NCAM2: variants seen among roughly 807,000 people sequenced by gnomAD.
The protein encoded by NCAM2 is N-CAM-2.
NCAM2 carries 30 observed loss-of-function variants against 98.1 expected under a neutral mutation model. The ratio of observed to expected loss-of-function variants is 0.31; its 90% CI spans 0.23 to 0.41. NCAM2 has a LOEUF of 0.41. NCAM2 is among the 10% of genes least tolerant of loss of function. The pLI is 1.00. For missense variants in NCAM2, 867 were observed against 1,005.8 expected, an observed-to-expected ratio of 0.86 and a Z score of 1.87; for synonymous variants, 368 against 342.4, an observed-to-expected ratio of 1.07 and a Z score of -0.83.
chr21:21,533,111 A>G (rs149983980), intron 16 of NCAM2, among the ~76,000 whole-genome samples: 2 of 144,508 alleles, frequency 1.4e-5, no homozygotes, highest in African/African-American at 5.1e-5. Context: ...TATAAGTCTC[A>G]GCATTTGTAG....
intron 11 of NCAM2, among the ~76,000 whole-genome samples, chr21:21,429,516 G>T (rs1031633682): frequency 6.6e-6 from 1 of 152,148 alleles, no homozygotes; most frequent in Non-Finnish European, 1.5e-5. Flanking sequence ...ACTCAGCACA[G>T]ATTGAAGAAT....
At chr21:21,020,076 G>A (rs1340773599) in intron 1 of NCAM2, among the ~76,000 whole-genome samples, 1 of 151,888 alleles carries the variant, frequency 6.6e-6, no homozygotes, top group East Asian at 1.9e-4. Flanking sequence ...TCGCACTGCT[G>A]CCTGGGCTGG....
chr21:21,214,739 A>ACACAC (rs2069810602), intron 1 of NCAM2, among the ~76,000 whole-genome samples: 1 of 99,296 alleles, frequency 1.0e-5, no homozygotes, highest in Admixed American at 1.2e-4. Flanking sequence ...ATATATATAT[A>ACACAC]TATATATACA....
chr21:21,528,830 A>G (rs915741338), intron 16 of NCAM2, among the ~76,000 whole-genome samples: 1 of 152,022 alleles, frequency 6.6e-6, no homozygotes, highest in African/African-American at 2.4e-5. Flanking sequence ...TAAGGAAGAA[A>G]CAAGAAGAAT....
intron 5 of NCAM2, among the ~76,000 whole-genome samples, chr21:21,293,370 C>G (rs2073364025): frequency 6.6e-6 from 1 of 151,630 alleles, no homozygotes; most frequent in Non-Finnish European, 1.5e-5. Context: ...CCAAGACTTT[C>G]AACTGTAATA....
intron 1 of NCAM2, among the ~76,000 whole-genome samples, chr21:21,112,294 T>C (rs2066469416): frequency 6.6e-6 from 1 of 152,218 alleles, no homozygotes; most frequent in South Asian, 2.1e-4. Flanking sequence ...CTTTTTCAGT[T>C]TGCATTCTGC....
At chr21:21,238,557 G>GT (rs35269101) in intron 1 of NCAM2, among the ~76,000 whole-genome samples, 152,114 of 152,118 alleles carry the variant, frequency 1, 76,055 homozygotes, top group Middle Eastern at 1. Context: ...TGAACATTTA[G>GT]TTTGGGGGGA....
intron 1 of NCAM2, among the ~76,000 whole-genome samples, chr21:21,249,141 T>A (rs559621226): frequency 2.6e-4 from 40 of 152,230 alleles, no homozygotes; most frequent in African/African-American, 8.2e-4. Flanking sequence ...AGAATCTAAA[T>A]CAAAAAGAAT....
intron 15 of NCAM2, among the ~76,000 whole-genome samples, chr21:21,499,054 T>G (rs1165527531): frequency 6.6e-6 from 1 of 152,048 alleles, no homozygotes; most frequent in East Asian, 1.9e-4. Flanking sequence ...TAGTGTCAAT[T>G]AGGAATATAG....
chr21:21,308,247 A>G (rs904248381), intron 5 of NCAM2, among the ~76,000 whole-genome samples: 2 of 152,160 alleles, frequency 1.3e-5, no homozygotes, highest in Non-Finnish European at 1.5e-5. Context: ...CCAGATTTCT[A>G]TCTGGTATAA....
rs1321615123 is a variant in NCAM2, at chr21:21,079,343, G to T, written c.55+80725G>T. On this transcript the variant is annotated intron_variant, in intron 1 of 17. Coordinates refer to ENST00000400546, the MANE Select transcript of NCAM2 (RefSeq NM_004540.5). Reference sequence around the variant, plus strand: ...CATTCATTCAATAAACTTTTAATAAGACACCTCTATGAGTGAGAAGCTATG... The same window carrying T: ...CATTCATTCAATAAACTTTTAATAATACACCTCTATGAGTGAGAAGCTATG... 2.0e-5 allele frequency among the ~76,000 whole-genome samples: 3 copies of T among 152,042 alleles called. No homozygotes were observed. The East Asian group carries it at 5.8e-4, about 29-fold the overall frequency.
intron 1 of NCAM2, among the ~76,000 whole-genome samples, chr21:21,116,758 G>A (rs897072591): frequency 6.6e-6 from 1 of 152,136 alleles, no homozygotes; most frequent in Non-Finnish European, 1.5e-5. Context: ...AGGAGGCTGA[G>A]CCAGGAGAAT....
chr21:21,062,967 T>C (rs940398430), intron 1 of NCAM2, among the ~76,000 whole-genome samples: 3 of 152,310 alleles, frequency 2.0e-5, no homozygotes, highest in Non-Finnish European at 4.4e-5. Context: ...TGTTATGTTG[T>C]ATCATAATGC....
At chr21:20,998,814 G>A (rs1428799046) in intron 1 of NCAM2, among the ~76,000 whole-genome samples, 196 bp downstream of exon 1, 3 of 152,144 alleles carry the variant, frequency 2.0e-5, no homozygotes, top group Non-Finnish European at 2.9e-5. Context: ...CCTTAAATAA[G>A]AGAAGGGAAA....
At chr21:21,382,728 CG>C (rs1271072009) in intron 9 of NCAM2, among the ~76,000 whole-genome samples, 6 of 151,864 alleles carry the variant, frequency 4.0e-5, no homozygotes, top group Non-Finnish European at 7.4e-5. Context: ...GACGGGGTTT[CG>C]CCATGTTGGC....
At chr21:21,096,504 A>G (rs926993983) in intron 1 of NCAM2, among the ~76,000 whole-genome samples, 3 of 151,808 alleles carry the variant, frequency 2.0e-5, no homozygotes, top group African/African-American at 7.2e-5. Context: ...TATGTATTTA[A>G]TACTCTAAAA....
At chr21:21,125,422 TTCATAC>T (rs2066776385) in intron 1 of NCAM2, among the ~76,000 whole-genome samples, 11 of 6,134 alleles carry the variant, frequency 1.8e-3, no homozygotes, top group Non-Finnish European at 4.2e-3. Flanking sequence ...TTTACATATA[TTCATAC>T]ATATGTAATA....
At chr21:21,387,967 C>G (rs1404606890) in intron 9 of NCAM2, among the ~76,000 whole-genome samples, 2 of 152,202 alleles carry the variant, frequency 1.3e-5, no homozygotes, top group African/African-American at 2.4e-5. Context: ...CCCAAAAACA[C>G]AGTGTCATAC....
chr21:21,430,929 C>T (rs927412128), intron 11 of NCAM2, among the ~76,000 whole-genome samples: 8 of 151,104 alleles, frequency 5.3e-5, no homozygotes, highest in Non-Finnish European at 1.5e-5. Context: ...ACCTGTAGTC[C>T]CAGCTACTCT....
Sources: allele counts gnomAD v4.1 joint callset (sites outside exome capture counted in the v4.1 genomes callset), GRCh38; gene constraint gnomAD v4.1.1; transcripts MANE v1.5; gene names NCBI Gene and HGNC (gene_info 2026-07-23, HGNC 2026-07-21).